PCNX2: variants seen among roughly 807,000 people sequenced by gnomAD.
PCNX2 encodes the protein pecanex-like protein 2.
Under a neutral mutation model 223.8 loss-of-function variants are expected in PCNX2, and 168 were observed. The ratio of observed to expected loss-of-function variants is 0.75; its 90% CI spans 0.66 to 0.85. PCNX2 has a LOEUF of 0.85. Among genes scored for constraint, PCNX2 ranks in the 40% least tolerant of loss-of-function variants. The pLI is 0.00. For missense variants in PCNX2, 2,507 were observed against 2,675.5 expected (o/e 0.94, Z 1.39); for synonymous variants, 1,006 against 1,052.6 (o/e 0.96, Z 0.86).
At chr1:233,172,501 G>T (rs1286001003) in intron 17 of PCNX2, 1 of 985,252 alleles carries the variant, frequency 1.0e-6, no homozygotes, top group Non-Finnish European at 1.2e-6. Flanking sequence ...TGGTGTGGAG[G>T]GTGGTAGAGC....
chr1:233,176,510 T>C (rs1454517629), intron 17 of PCNX2, among the ~76,000 whole-genome samples: 3 of 152,194 alleles, frequency 2.0e-5, no homozygotes, highest in African/African-American at 2.4e-5. Flanking sequence ...GGGGAGAAGA[T>C]GTGGAGAACA....
chr1:233,236,271 T>C (rs1249001752), intron 9 of PCNX2, among the ~76,000 whole-genome samples: 1 of 152,102 alleles, frequency 6.6e-6, no homozygotes, highest in Non-Finnish European at 1.5e-5. Context: ...ATGTTATCTC[T>C]GGCTTTGAAT....
chr1:233,241,843 A>G (rs11809254), intron 8 of PCNX2, among the ~76,000 whole-genome samples: 12,549 of 152,176 alleles, frequency 0.082, 1,338 homozygotes, highest in African/African-American at 0.25. Context: ...ATTGCCTCAC[A>G]TTCCTGTTCA....
chr1:233,089,122 T>C (rs1350837825), intron 23 of PCNX2, among the ~76,000 whole-genome samples: 3 of 152,182 alleles, frequency 2.0e-5, no homozygotes, highest in African/African-American at 7.2e-5. Flanking sequence ...TCTAACTTAA[T>C]GATGACCTCT....
At chr1:233,175,416 G>C (rs1004153037) in intron 17 of PCNX2, among the ~76,000 whole-genome samples, 1 of 152,270 alleles carries the variant, frequency 6.6e-6, no homozygotes, top group Non-Finnish European at 1.5e-5. Flanking sequence ...ATCAACCTCT[G>C]CTGGGCAAAT....
chr1:233,135,108 A>C lies in PCNX2; in HGVS notation c.3742T>G (p.Leu1248Val), dbSNP rs760042007. 9 of 1,613,552 alleles carry C rather than the reference A, an allele frequency of 5.6e-6. No individual in the cohort carries two copies. Among genetic ancestry groups the C allele is most frequent in the Non-Finnish European group, 7.6e-6 (9 of 1,179,424 alleles). Residue 1248 changes from leucine to valine, a missense_variant, in exon 21 of 34, where the codon TTG becomes GTG. Coordinates refer to ENST00000258229, the MANE Select transcript of PCNX2 (RefSeq NM_014801.4). Reference protein sequence around the residue: ...FCNPVYQFINLSFTVIFFHFD... With the variant: ...FCNPVYQFINVSFTVIFFHFD... ...TGGAAAAAGATGACAGTGAAGCTCAAGTTAATAAACTGGTAAACCGGGTTG... is the reference window on the plus strand; with the variant it reads ...TGGAAAAAGATGACAGTGAAGCTCACGTTAATAAACTGGTAAACCGGGTTG...
intron 19 of PCNX2, among the ~76,000 whole-genome samples, chr1:233,141,488 G>A (rs560476845): frequency 2.6e-5 from 4 of 152,108 alleles, no homozygotes; most frequent in South Asian, 2.1e-4. Flanking sequence ...CCAACATGGC[G>A]AAATCCGACT....
At chr1:233,100,003 C>A (rs1039847864) in intron 21 of PCNX2, among the ~76,000 whole-genome samples, 1 of 152,170 alleles carries the variant, frequency 6.6e-6, no homozygotes, top group African/African-American at 2.4e-5. Context: ...CTTCCAAGAT[C>A]TTAAATCTCA....
chr1:233,082,514 G>A (rs1393399630), intron 23 of PCNX2, among the ~76,000 whole-genome samples: 3 of 152,260 alleles, frequency 2.0e-5, no homozygotes, highest in South Asian at 2.1e-4. Flanking sequence ...CCTTGCAAAC[G>A]TATCCAAATA....
At position 232,984,067 on chromosome 1, in the gene PCNX2, T is replaced by G. The variant is rs1318393684; in HGVS notation, c.*237A>C. ...GTGTGGCTTCTTTGTTGCTTTTTTTTGTTTCCCCATCATGTGAGGTTTTTT... is the reference window on the plus strand; with the variant it reads ...GTGTGGCTTCTTTGTTGCTTTTTTTGGTTTCCCCATCATGTGAGGTTTTTT... On this transcript the variant is annotated 3_prime_UTR_variant, in exon 34 of 34. Transcript: ENST00000258229. 2 of 397,448 alleles carry G rather than the reference T, an allele frequency of 5.0e-6. No homozygotes were observed. Among genetic ancestry groups the G allele is most frequent in the African/African-American group, 4.2e-5 (2 of 47,902 alleles). The allele number at this position is 397,448 out of a possible 1,614,324, so 24.6% of individuals were successfully genotyped here.
Position 233,261,983 on chromosome 1 carries a change from T to G in PCNX2, c.480+62A>C. ...AATCACTGCTGCTGAACACTCCCAT[T>G]CTAGGTGAGATCAACATCGAAATCA... On this transcript the variant is annotated intron_variant, in intron 3 of 33. Transcript: ENST00000258229. The G allele has an allele frequency of 3.1e-6, 5 of 1,599,054 alleles. No homozygotes were observed. The East Asian group carries it at 1.1e-4, about 36-fold the overall frequency.
chr1:233,269,391 C>T lies in PCNX2; in HGVS notation c.154-6228G>A, dbSNP rs542218187. 1.1e-3 allele frequency among the ~76,000 whole-genome samples: 166 copies of T among 152,140 alleles called. 1 individual carries two copies. The highest frequency in any genetic ancestry group is 3.7e-3 in the African/African-American group (154 of 41,460). On this transcript the variant is annotated intron_variant, in intron 1 of 33. Coordinates refer to ENST00000258229, the MANE Select transcript of PCNX2 (RefSeq NM_014801.4). ...AGTAGGCACAATAATGTAACAAGAC[C>T]TAATAAATGACAGCTGAAGTCTTGG...
chr1:232,996,157 C>T lies in PCNX2; in HGVS notation c.5791+2094G>A, dbSNP rs372260986. The stretch of plus-strand genomic sequence containing the variant: ...GATTATAGGTGTGCACCACAGCACC[C>T]GGCCTCCAATTTCTTTTCTGCCAAG... On this transcript the variant is annotated intron_variant, in intron 32 of 33. Transcript: ENST00000258229. Among the ~76,000 whole-genome samples the T allele has an allele frequency of 4.6e-5, 7 of 152,270 alleles. No individual in the cohort carries two copies. The East Asian group carries it at 5.8e-4, about 13-fold the overall frequency.
chr1:233,004,588 G>C (rs756345339), intron 28 of PCNX2, among the ~76,000 whole-genome samples: 1 of 152,142 alleles, frequency 6.6e-6, no homozygotes, highest in Non-Finnish European at 1.5e-5. Flanking sequence ...CCCTGACAGG[G>C]CCGGCCTGGG....
At position 233,057,283 on chromosome 1, in the gene PCNX2, G is replaced by T. The variant is rs1392209488; in HGVS notation, c.4084C>A (p.Arg1362=). The T allele has an allele frequency of 1.7e-5, 27 of 1,608,836 alleles. No homozygotes were observed. Among genetic ancestry groups the T allele is most frequent in the Non-Finnish European group, 2.2e-5 (26 of 1,176,746 alleles). Residue 1362 remains arginine, a synonymous_variant, in exon 24 of 34, where the codon CGA becomes AGA. Coordinates refer to ENST00000258229, the MANE Select transcript of PCNX2 (RefSeq NM_014801.4). ...AGTCTTGTGTTGGAATTATCCACTC[G>T]CCTTGTACTAGAAGAGGCCACAAAA... ...KFWEKNYNTR[R]VDNSNTRLAV... is the part of the protein sequence containing the mutation.
chr1:233,057,472 A>G, intron 23 of PCNX2, 182 bp from the exon 24 acceptor site: 1 of 583,132 alleles, frequency 1.7e-6, no homozygotes, highest in Non-Finnish European at 3.1e-6. Context: ...AGATAGAGGG[A>G]GCAGTACAAG....
chr1:233,214,732 TAGAC>T (rs1050215895), intron 12 of PCNX2, among the ~76,000 whole-genome samples: 2 of 152,204 alleles, frequency 1.3e-5, no homozygotes, highest in African/African-American at 4.8e-5. Flanking sequence ...AAGTTTCAGT[TAGAC>T]AGTATCCAAC....
intron 28 of PCNX2, among the ~76,000 whole-genome samples, chr1:233,006,782 C>T (rs1019620889): frequency 1.5e-4 from 23 of 152,266 alleles, no homozygotes; most frequent in Admixed American, 1.2e-3. Context: ...TCTGCTGCCA[C>T]GCACTGCCAT....
chr1:233,213,489 C>T (rs924267066), intron 12 of PCNX2, among the ~76,000 whole-genome samples: 8 of 152,134 alleles, frequency 5.3e-5, no homozygotes, highest in Admixed American at 2.0e-4. Flanking sequence ...TACAGCGAAA[C>T]TGGGAATGGG....
Sources: allele counts gnomAD v4.1 joint callset (sites outside exome capture counted in the v4.1 genomes callset), GRCh38; gene constraint gnomAD v4.1.1; transcripts MANE v1.5; gene names NCBI Gene and HGNC (gene_info 2026-07-23, HGNC 2026-07-21).